Variants in DPH6 observed in about 807,000 individuals in gnomAD.
The protein encoded by DPH6 is diphthine--ammonia ligase.
A neutral mutation model predicts 38.2 loss-of-function variants in DPH6; 33 were observed. The ratio of observed to expected loss-of-function variants is 0.86; its 90% CI spans 0.65 to 1.15. The LOEUF (loss-of-function observed/expected upper bound fraction) is 1.15, where lower values mean the gene tolerates loss of function less well. DPH6 is among the 50% of genes most tolerant of loss of function. The pLI is 0.00. For synonymous variants in DPH6, 108 were observed against 103.0 expected (o/e 1.05, Z -0.30); for missense variants, 325 against 320.0 (o/e 1.02, Z -0.12).
chr15:35,274,920 CT>C lies in DPH6; in HGVS notation n.201-54339del, dbSNP rs111503678. ...TATACCCAAAGAACTATAAATCATTCTTTTTTTTTTTTGAGACGGAGTCTGG... is the reference window on the plus strand; with the variant it reads ...TATACCCAAAGAACTATAAATCATTCTTTTTTTTTTTGAGACGGAGTCTGG... On this transcript the variant is annotated intron_variant and non_coding_transcript_variant, in intron 3 of 3. Coordinates refer to the DPH6 transcript ENST00000560386. Among the ~76,000 whole-genome samples, 130 of 145,448 alleles carry C rather than the reference CT, an allele frequency of 8.9e-4. 1 individual carries two copies. In the East Asian group the frequency reaches 0.011, roughly 12 times the overall value.
At position 35,241,226 on chromosome 15, in the gene DPH6, TCGGCTTAGCAGCTGAA is replaced by T. The variant is rs2051596198; in HGVS notation, n.201-20660_201-20645del. 1.4e-5 allele frequency among the ~76,000 whole-genome samples: 2 copies of T among 143,622 alleles called. 1 individual carries two copies. The highest frequency in any genetic ancestry group is 1.5e-4 in the Admixed American group (2 of 13,352). The allele number at this position is 143,622 out of a possible 152,430, so 94.2% of individuals were successfully genotyped here. ...CTGACTGACTCCTTCCCAGATCTTC[TCGGCTTAGCAGCTGAA>T]GACTGACACTGCCCGATCGCCTCGG... On this transcript the variant is annotated intron_variant and non_coding_transcript_variant, in intron 3 of 3. Coordinates refer to the DPH6 transcript ENST00000560386.
intron 3 of DPH6, among the ~76,000 whole-genome samples, chr15:35,460,074 T>C (rs138330674): frequency 7.7e-4 from 118 of 152,296 alleles, no homozygotes; most frequent in African/African-American, 2.7e-3. Context: ...CCATATGCTA[T>C]AGAAACTTCA....
At chr15:35,253,851 TCAA>T (rs1440268879) in intron 3 of DPH6, among the ~76,000 whole-genome samples, 1 of 152,130 alleles carries the variant, frequency 6.6e-6, no homozygotes, top group Non-Finnish European at 1.5e-5. Flanking sequence ...CGGCAGAACG[TCAA>T]CAACAAATTG....
At chr15:35,420,596 A>T (rs2053492861) in intron 5 of DPH6, among the ~76,000 whole-genome samples, 2 of 152,154 alleles carry the variant, frequency 1.3e-5, no homozygotes, top group Non-Finnish European at 2.9e-5. Context: ...AGCCCACTGC[A>T]ACCTCCGCCT....
At chr15:35,198,984 A>T in the DPH6 span, among the ~76,000 whole-genome samples, 1 of 150,864 alleles carries the variant, frequency 6.6e-6, no homozygotes, top group Admixed American at 6.6e-5. Flanking sequence ...CAATGGCGCA[A>T]TCTCAGCTCA....
intron 3 of DPH6, among the ~76,000 whole-genome samples, chr15:35,224,111 T>G (rs1307330697): frequency 7.1e-6 from 1 of 140,058 alleles, no homozygotes; most frequent in African/African-American, 2.9e-5. Flanking sequence ...TTTTTTTTTT[T>G]TTTTTTTTTT....
At chr15:35,179,204 C>CAAAAAAAAAAA in the DPH6 span, among the ~76,000 whole-genome samples, 92 of 50,524 alleles carry the variant, frequency 1.8e-3, no homozygotes, top group African/African-American at 3.6e-3. Flanking sequence ...ACAACTCTGT[C>CAAAAAAAAAAA]AAAAAAAAAA....
At chr15:35,489,631 T>C (rs752861122) in intron 3 of DPH6, 11 of 981,420 alleles carry the variant, frequency 1.1e-5, no homozygotes, top group Non-Finnish European at 1.3e-5. Flanking sequence ...CTCTGCAACA[T>C]AATGTTAAGT....
At chr15:35,342,894 A>G (rs2052432889) in intron 3 of DPH6, among the ~76,000 whole-genome samples, 1 of 152,150 alleles carries the variant, frequency 6.6e-6, no homozygotes, top group Non-Finnish European at 1.5e-5. Context: ...AGCTCTCTGT[A>G]GTAGTCCTGA....
chr15:35,545,342 CTTAT>C (rs1391453800), intron 1 of DPH6, among the ~76,000 whole-genome samples: 1 of 152,198 alleles, frequency 6.6e-6, no homozygotes, highest in Non-Finnish European at 1.5e-5. Context: ...AGTCACAGGA[CTTAT>C]TTAGACACTT....
intron 7 of DPH6, among the ~76,000 whole-genome samples, chr15:35,380,866 G>A (rs1359867022): frequency 6.6e-6 from 1 of 152,132 alleles, no homozygotes; most frequent in Non-Finnish European, 1.5e-5. Flanking sequence ...CACTTTGGAT[G>A]TAATAGGTAC....
intron 3 of DPH6, among the ~76,000 whole-genome samples, chr15:35,364,778 A>AT (rs2052642972): frequency 6.6e-6 from 1 of 151,610 alleles, no homozygotes; most frequent in Non-Finnish European, 1.5e-5. Context: ...TTTGGGGTTC[A>AT]TAAGACTTCT....
chr15:35,528,522 C>A (rs1595445589), intron 3 of DPH6, among the ~76,000 whole-genome samples: 1 of 151,974 alleles, frequency 6.6e-6, no homozygotes, highest in Non-Finnish European at 1.5e-5. Context: ...CTAGAATGTC[C>A]CCTTTTCACC....
intron 6 of DPH6, among the ~76,000 whole-genome samples, chr15:35,390,634 C>T (rs181024630): frequency 6.6e-5 from 10 of 152,302 alleles, no homozygotes; most frequent in East Asian, 1.9e-4. Flanking sequence ...TTGATCACAT[C>T]GGTTACTGAG....
At chr15:35,221,104 A>T (rs997850973) in intron 3 of DPH6, among the ~76,000 whole-genome samples, 1 of 152,244 alleles carries the variant, frequency 6.6e-6, no homozygotes, top group African/African-American at 2.4e-5. Flanking sequence ...AAGAGTAAAC[A>T]ACATTAAATC....
At chr15:35,284,857 G>A (rs2051929995) in intron 3 of DPH6, among the ~76,000 whole-genome samples, 1 of 121,886 alleles carries the variant, frequency 8.2e-6, no homozygotes, top group African/African-American at 3.0e-5. Flanking sequence ...CTGTCCTCCA[G>A]GCTGGAATGC....
intron 3 of DPH6, among the ~76,000 whole-genome samples, chr15:35,478,492 C>CT (rs2054289193): frequency 6.6e-6 from 1 of 151,398 alleles, no homozygotes; most frequent in Non-Finnish European, 1.5e-5. Context: ...GAACTTAATA[C>CT]TATCAACACT....
the DPH6 span, among the ~76,000 whole-genome samples, chr15:35,155,781 T>G: frequency 6.6e-6 from 1 of 152,242 alleles, no homozygotes; most frequent in Non-Finnish European, 1.5e-5. Context: ...GGCACGATTT[T>G]GAGACATTAC....
intron 3 of DPH6, among the ~76,000 whole-genome samples, chr15:35,361,184 A>G (rs139686595): frequency 2.0e-5 from 3 of 152,322 alleles, no homozygotes; most frequent in Non-Finnish European, 4.4e-5. Flanking sequence ...ACTGGGGCAT[A>G]GGCTAGTCTT....
Sources: gnomAD v4.1 joint callset for allele counts (sites outside exome capture counted in the v4.1 genomes callset) on GRCh38, gnomAD v4.1.1 for gene constraint, MANE v1.5 for transcripts, NCBI Gene and HGNC (gene_info 2026-07-23, HGNC 2026-07-21) for gene names.